TSPAN9: variants seen among roughly 807,000 people sequenced by gnomAD.
The protein encoded by TSPAN9 is tetraspanin 9.
Under a neutral mutation model 31.0 loss-of-function variants are expected in TSPAN9, and 16 were observed. The observed-to-expected ratio is 0.52, with a 90% CI of 0.35 to 0.78. The LOEUF is 0.78. TSPAN9 is among the 30% of genes least tolerant of loss of function. The pLI is 0.01. For synonymous variants in TSPAN9, 145 were observed against 121.6 expected (o/e 1.19, Z -1.27); for missense variants, 272 against 312.5 (o/e 0.87, Z 0.98).
chr12:3,283,448 T>A lies in TSPAN9; in HGVS notation c.*332T>A. The A allele has an allele frequency of 4.5e-6, 1 of 224,012 alleles. No homozygotes were observed. Among genetic ancestry groups the A allele is most frequent in the Admixed American group, 5.7e-5 (1 of 17,416 alleles). The allele number at this position is 224,012 out of a possible 1,614,324, so 13.9% of individuals were successfully genotyped here. On this transcript the variant is annotated 3_prime_UTR_variant, in exon 9 of 9. Transcript: ENST00000011898. ...CCCCTGCCCTTCCTCACACTGACACTTTGTCCCCACATGGGGTGGGGAGCA... is the reference window on the plus strand; with the variant it reads ...CCCCTGCCCTTCCTCACACTGACACATTGTCCCCACATGGGGTGGGGAGCA...
In TSPAN9 at chr12:3,168,177, C is replaced by T. The variant is rs566239220; in HGVS notation, c.-17-33000C>T. 5.9e-5 allele frequency among the ~76,000 whole-genome samples: 9 copies of T among 152,310 alleles called. No individual in the cohort carries two copies. Among genetic ancestry groups the T allele is most frequent in the South Asian group, 2.1e-4 (1 of 4,828 alleles). On this transcript the variant is annotated intron_variant, in intron 2 of 8. Coordinates refer to ENST00000011898, the MANE Select transcript of TSPAN9 (RefSeq NM_006675.5). This position sits in a 1 kb window ranked among gnomAD's most constrained non-coding sequence, Gnocchi z 4.0. Reference sequence around the variant, plus strand: ...GTGCCCTGCAAGGCAGGAGTAGCACCGGTCATCCTTGGCAGAGAATCATTC... The same window carrying T: ...GTGCCCTGCAAGGCAGGAGTAGCACTGGTCATCCTTGGCAGAGAATCATTC...
intron 2 of TSPAN9, among the ~76,000 whole-genome samples, chr12:3,113,363 A>G (rs1326056540): frequency 1.3e-5 from 2 of 152,122 alleles, no homozygotes; most frequent in Non-Finnish European, 2.9e-5. Flanking sequence ...GGCACTGGGA[A>G]CACAAGTGCA....
intron 2 of TSPAN9, among the ~76,000 whole-genome samples, chr12:3,104,792 G>A (rs537017045): frequency 2.8e-4 from 42 of 152,296 alleles, no homozygotes; most frequent in Admixed American, 1.1e-3. Context: ...CATTTTGTCC[G>A]AGGATACAGA....
chr12:3,251,088 G>T (rs1328663494), intron 3 of TSPAN9, among the ~76,000 whole-genome samples: 2 of 152,228 alleles, frequency 1.3e-5, no homozygotes, highest in African/African-American at 4.8e-5. Flanking sequence ...CCTCTCCCCA[G>T]GTTAGTGTCT....
chr12:3,244,482 G>A (rs537638857), intron 3 of TSPAN9, among the ~76,000 whole-genome samples: 10 of 152,320 alleles, frequency 6.6e-5, no homozygotes, highest in East Asian at 3.9e-4. Context: ...TGCAGATGGC[G>A]TGAGGTGCGC....
chr12:3,103,927 A>C (rs1386329686), intron 2 of TSPAN9, among the ~76,000 whole-genome samples: 5 of 150,694 alleles, frequency 3.3e-5, no homozygotes, highest in Admixed American at 6.6e-5. Flanking sequence ...GTATATCAGG[A>C]GGTGGCAAAT....
rs1565622629 is a variant in TSPAN9, at chr12:3,226,779, TATATATATATATATA to T, written c.63+25524_63+25538del. Among the ~76,000 whole-genome samples, 21 of 8,708 alleles carry T rather than the reference TATATATATATATATA, an allele frequency of 2.4e-3. 2 individuals are homozygous for T. Among genetic ancestry groups the T allele is most frequent in the African/African-American group, 7.0e-3 (16 of 2,270 alleles). The allele number at this position is 8,708 out of a possible 152,430, so 5.7% of individuals were successfully genotyped here. A position where few individuals can be genotyped will look rare whatever the true frequency, so the allele number is the denominator to read the frequency against. ...ATATATATATATATATATATATATA[TATATATATATATATA>T]TTTTTTTTTTTTTTTCCCTCTTCGA... On this transcript the variant is annotated intron_variant, in intron 3 of 8. Coordinates refer to ENST00000011898, the MANE Select transcript of TSPAN9 (RefSeq NM_006675.5).
intron 2 of TSPAN9, among the ~76,000 whole-genome samples, chr12:3,178,916 G>A (rs373950646): frequency 1.3e-5 from 2 of 151,558 alleles, no homozygotes; most frequent in South Asian, 2.1e-4. Flanking sequence ...TGTGGCTCGC[G>A]CCCATCCCCC....
intron 3 of TSPAN9, among the ~76,000 whole-genome samples, chr12:3,254,163 C>T (rs1210197968): frequency 6.6e-6 from 1 of 152,238 alleles, no homozygotes; most frequent in Non-Finnish European, 1.5e-5. Context: ...ATGGTGCTGA[C>T]AGTAGTCACT....
chr12:3,164,290 G>A (rs1047923733), intron 2 of TSPAN9, among the ~76,000 whole-genome samples: 1 of 152,220 alleles, frequency 6.6e-6, no homozygotes, highest in Non-Finnish European at 1.5e-5. Flanking sequence ...AGAAGGTGAT[G>A]CACAGCAGAA....
At chr12:3,206,617 A>G (rs987720421) in intron 3 of TSPAN9, among the ~76,000 whole-genome samples, 3 of 151,946 alleles carry the variant, frequency 2.0e-5, no homozygotes, top group African/African-American at 7.2e-5. Flanking sequence ...CTTAGTTTGA[A>G]AAAAAGAATC....
At chr12:3,219,865 A>AAAAT (rs3065551) in intron 3 of TSPAN9, among the ~76,000 whole-genome samples, 1 of 150,216 alleles carries the variant, frequency 6.7e-6, no homozygotes, top group Non-Finnish European at 1.5e-5. Context: ...AAAAAAAAAA[A>AAAAT]GGAATGAGGC....
chr12:3,214,735 A>T (rs1392082142), intron 3 of TSPAN9, among the ~76,000 whole-genome samples: 1 of 151,254 alleles, frequency 6.6e-6, no homozygotes, highest in Non-Finnish European at 1.5e-5. Context: ...CTGCCGTATT[A>T]AGCACCCTGG....
At position 3,280,863 on chromosome 12, in the gene TSPAN9, G is replaced by T. The variant is rs1263236346; in HGVS notation, c.433-335G>T. ...CCATTTTAAGCCCTGGGGAGGGGCCGGCAGGGGGTTGGGTGGCAGTCAGCT... is the reference window on the plus strand; with the variant it reads ...CCATTTTAAGCCCTGGGGAGGGGCCTGCAGGGGGTTGGGTGGCAGTCAGCT... On this transcript the variant is annotated intron_variant, in intron 6 of 8. Coordinates refer to ENST00000011898, the MANE Select transcript of TSPAN9 (RefSeq NM_006675.5). The surrounding 1 kb of genome is among the most constrained non-coding windows in gnomAD (Gnocchi z 4.5). Among the ~76,000 whole-genome samples, 1 of 152,186 alleles carries T rather than the reference G, an allele frequency of 6.6e-6. No homozygotes were observed.
At chr12:3,281,446 T>G (rs1591724338) in intron 7 of TSPAN9, 117 bp downstream of exon 7, 4 of 1,298,948 alleles carry the variant, frequency 3.1e-6, no homozygotes, top group South Asian at 1.6e-5. Flanking sequence ...AATGTGGCGG[T>G]GGGGGGCTCA....
chr12:3,243,722 C>T (rs1435162735), intron 3 of TSPAN9, among the ~76,000 whole-genome samples: 1 of 152,138 alleles, frequency 6.6e-6, no homozygotes, highest in South Asian at 2.1e-4. Context: ...CTGGTCTTGC[C>T]CAGGCTGGCT....
chr12:3,201,043 C>A, intron 2 of TSPAN9, 134 bp from the exon 3 acceptor site: 1 of 758,314 alleles, frequency 1.3e-6, no homozygotes, highest in East Asian at 2.6e-5. Context: ...TCACGGCCGG[C>A]GCCTTCTACG....
At chr12:3,124,483 G>A (rs1415413962) in intron 2 of TSPAN9, among the ~76,000 whole-genome samples, 2 of 151,390 alleles carry the variant, frequency 1.3e-5, no homozygotes, top group African/African-American at 4.9e-5. Flanking sequence ...AGGCTGGAGT[G>A]CAATGGCTTG....
At chr12:3,199,041 T>C (rs1285325121) in intron 2 of TSPAN9, among the ~76,000 whole-genome samples, 1 of 152,244 alleles carries the variant, frequency 6.6e-6, no homozygotes, top group East Asian at 1.9e-4. Context: ...CCTGTCTTCC[T>C]AACTGGATTG....
Sources: gnomAD v4.1 joint callset for allele counts (sites outside exome capture counted in the v4.1 genomes callset) on GRCh38, gnomAD v4.1.1 for gene constraint, Gnocchi (gnomAD v3.1) non-coding constraint, MANE v1.5 for transcripts, NCBI Gene and HGNC (gene_info 2026-07-23, HGNC 2026-07-21) for gene names.